The following PTPRD variants were observed in gnomAD, a reference collection of about 807,000 sequenced individuals.
PTPRD encodes the protein protein tyrosine phosphatase receptor type D, also known as receptor-type tyrosine-protein phosphatase delta.
In PTPRD, 34 loss-of-function variants were observed where a neutral mutation model predicts 214.5. That is an observed-to-expected ratio of 0.16 (90% CI 0.12 to 0.21). The LOEUF (loss-of-function observed/expected upper bound fraction) is 0.21, where lower values mean the gene tolerates loss of function less well. Ranked by LOEUF, PTPRD falls within the 10% of genes least tolerant of loss-of-function variation. The pLI is 1.00. For missense variants in PTPRD, 2,545 were observed against 2,398.7 expected, an observed-to-expected ratio of 1.06 and a Z score of -1.27; for synonymous variants, 1,128 against 845.7, an observed-to-expected ratio of 1.33 and a Z score of -5.79.
intron 12 of PTPRD, among the ~76,000 whole-genome samples, chr9:8,714,433 C>A (rs1422917520): frequency 1.3e-5 from 2 of 152,018 alleles, no homozygotes; most frequent in Non-Finnish European, 1.5e-5. Flanking sequence ...GCTCTTAAAT[C>A]CCAACATCAC....
At chr9:9,589,839 G>C (rs1409732801) in intron 7 of PTPRD, among the ~76,000 whole-genome samples, 1 of 151,964 alleles carries the variant, frequency 6.6e-6, no homozygotes, top group Non-Finnish European at 1.5e-5. Flanking sequence ...GTAGATGTTT[G>C]GAGTAGTGTT....
chr9:8,711,764 G>T (rs111684610), intron 12 of PTPRD, among the ~76,000 whole-genome samples: 7 of 152,090 alleles, frequency 4.6e-5, no homozygotes, highest in Non-Finnish European at 7.4e-5. Context: ...CTGATAAAAC[G>T]TATTTCTCCC....
intron 10 of PTPRD, among the ~76,000 whole-genome samples, chr9:9,163,906 A>G (rs189540366): frequency 2.0e-5 from 3 of 152,032 alleles, no homozygotes; most frequent in Non-Finnish European, 4.4e-5. Context: ...CCTCTTTTCT[A>G]TTTGATCCTA....
At chr9:10,060,936 CTTTCTT>C (rs1261884482) in intron 3 of PTPRD, among the ~76,000 whole-genome samples, 2 of 119,862 alleles carry the variant, frequency 1.7e-5, no homozygotes, top group Non-Finnish European at 3.2e-5. Context: ...TTCTTTCTTT[CTTTCTT>C]TCTTTCTTTC....
intron 4 of PTPRD, among the ~76,000 whole-genome samples, chr9:9,961,442 A>G (rs1319118165): frequency 6.6e-6 from 1 of 152,194 alleles, no homozygotes; most frequent in African/African-American, 2.4e-5. Flanking sequence ...TTGAACATTA[A>G]TTTAATATGA....
intron 11 of PTPRD, among the ~76,000 whole-genome samples, chr9:8,974,339 G>A (rs913349483): frequency 2.0e-5 from 3 of 151,800 alleles, no homozygotes; most frequent in Non-Finnish European, 4.4e-5. Context: ...GTCAGAAATT[G>A]CCTTTAAAAA....
chr9:9,097,327 C>A (rs1388283045), intron 10 of PTPRD, among the ~76,000 whole-genome samples: 1 of 151,806 alleles, frequency 6.6e-6, no homozygotes, highest in Non-Finnish European at 1.5e-5. Flanking sequence ...GGGTACTAAA[C>A]CTCATACTCA....
intron 9 of PTPRD, among the ~76,000 whole-genome samples, chr9:9,387,024 G>A (rs2140642184): frequency 6.6e-6 from 1 of 152,242 alleles, no homozygotes; most frequent in Non-Finnish European, 1.5e-5. Flanking sequence ...ACGCTCAGAG[G>A]GACTTTGATG....
intron 8 of PTPRD, among the ~76,000 whole-genome samples, chr9:9,544,377 T>A (rs1444617200): frequency 6.6e-6 from 1 of 151,718 alleles, no homozygotes; most frequent in African/African-American, 2.4e-5. Flanking sequence ...TTACTTTGTA[T>A]AAATATTTTA....
chr9:8,705,426 T>C (rs1412840606), intron 12 of PTPRD, among the ~76,000 whole-genome samples: 1 of 152,210 alleles, frequency 6.6e-6, no homozygotes, highest in African/African-American at 2.4e-5. Flanking sequence ...AAGTATTCTA[T>C]AATTTTAACA....
chr9:8,335,597 C>G (rs767118099), intron 43 of PTPRD, among the ~76,000 whole-genome samples: 2 of 152,148 alleles, frequency 1.3e-5, no homozygotes, highest in Non-Finnish European at 1.5e-5. Context: ...CAGGGATGCC[C>G]TCTCTCACCA....
chr9:9,863,779 G>T (rs964236499), intron 5 of PTPRD, among the ~76,000 whole-genome samples: 1 of 151,340 alleles, frequency 6.6e-6, no homozygotes, highest in Admixed American at 6.6e-5. Context: ...ACTCTCTTTT[G>T]TCTGTGAACA....
At chr9:10,459,678 C>T (rs923326600) in intron 2 of PTPRD, among the ~76,000 whole-genome samples, 1 of 150,296 alleles carries the variant, frequency 6.7e-6, no homozygotes, top group Admixed American at 6.6e-5. Flanking sequence ...TTTTTTCATA[C>T]GTTTGTTGGT....
intron 9 of PTPRD, among the ~76,000 whole-genome samples, chr9:9,389,697 C>A (rs767661179): frequency 6.6e-6 from 1 of 152,164 alleles, no homozygotes; most frequent in African/African-American, 2.4e-5. Flanking sequence ...AACAGACAGT[C>A]ATTCTAGCAA....
chr9:10,184,471 C>A (rs757051306), intron 3 of PTPRD, among the ~76,000 whole-genome samples: 8 of 151,884 alleles, frequency 5.3e-5, no homozygotes, highest in Non-Finnish European at 1.0e-4. Context: ...ATTCAATAAC[C>A]TAGACACTAA....
At chr9:9,628,028 A>ATATTTG (rs2095476229) in intron 7 of PTPRD, among the ~76,000 whole-genome samples, 1 of 152,144 alleles carries the variant, frequency 6.6e-6, no homozygotes, top group Non-Finnish European at 1.5e-5. Flanking sequence ...TAAGAAACTA[A>ATATTTG]TATTTGTATA....
At chr9:9,049,327 G>A (rs1015932448) in intron 10 of PTPRD, among the ~76,000 whole-genome samples, 1 of 152,158 alleles carries the variant, frequency 6.6e-6, no homozygotes. Context: ...GAAAATCCAA[G>A]AATAGGTGCT....
At chr9:10,363,684 A>AT (rs1241031809) in intron 2 of PTPRD, among the ~76,000 whole-genome samples, 1 of 152,162 alleles carries the variant, frequency 6.6e-6, no homozygotes, top group African/African-American at 2.4e-5. Context: ...CCACGTCAAC[A>AT]TTTTTTTGGA....
At chr9:10,124,904 A>C (rs2098804102) in intron 3 of PTPRD, among the ~76,000 whole-genome samples, 2 of 152,198 alleles carry the variant, frequency 1.3e-5, no homozygotes, top group Non-Finnish European at 2.9e-5. Flanking sequence ...ATCTAAAGGC[A>C]AGAACGTCAA....
Sources: allele counts gnomAD v4.1 joint callset (sites outside exome capture counted in the v4.1 genomes callset), GRCh38; gene constraint gnomAD v4.1.1; transcripts MANE v1.5; gene names NCBI Gene and HGNC (gene_info 2026-07-23, HGNC 2026-07-21).